Variants in NCKAP1 observed in about 807,000 individuals in gnomAD.
NCKAP1 encodes the protein nck-associated protein 1.
NCKAP1 carries 21 observed loss-of-function variants against 151.2 expected under a neutral mutation model. The observed-to-expected ratio is 0.14, with a 90% CI of 0.10 to 0.20. The LOEUF is 0.20. Ranked by LOEUF, NCKAP1 falls within the 10% of genes least tolerant of loss-of-function variation. The pLI is 1.00. For synonymous variants in NCKAP1, 484 were observed against 451.8 expected (o/e 1.07, Z -0.90); for missense variants, 933 against 1,352.1 (o/e 0.69, Z 4.86).
At chr2:182,975,042 T>A (rs978025812) in intron 15 of NCKAP1, among the ~76,000 whole-genome samples, 7 of 152,192 alleles carry the variant, frequency 4.6e-5, no homozygotes, top group African/African-American at 1.7e-4. Context: ...AGCCCAAGTA[T>A]TGGTTTAGGC....
intron 16 of NCKAP1, among the ~76,000 whole-genome samples, chr2:182,965,162 A>T (rs1697540134): frequency 2.0e-5 from 3 of 152,030 alleles, no homozygotes. Context: ...AGGCCAAGGC[A>T]GGTGGATCAC....
intron 2 of NCKAP1, among the ~76,000 whole-genome samples, chr2:183,009,328 T>C (rs1385936600): frequency 1.4e-5 from 2 of 147,174 alleles, no homozygotes; most frequent in Non-Finnish European, 3.0e-5. Context: ...TGAGCCAAGA[T>C]TGTGCCATTG....
rs1326502902 is a variant in NCKAP1, at chr2:183,038,428, G to GCGGCGGCGGCGGCGTCTC, written c.-347_-330dup. 1 of 192,218 alleles carries GCGGCGGCGGCGGCGTCTC rather than the reference G, an allele frequency of 5.2e-6. No individual in the cohort carries two copies. Among genetic ancestry groups the GCGGCGGCGGCGGCGTCTC allele is most frequent in the Non-Finnish European group, 1.0e-5 (1 of 98,528 alleles). The allele number at this position is 192,218 out of a possible 1,614,324, so 11.9% of individuals were successfully genotyped here. ...TGCTCCACTAGGTGTGGCGGCGGCG[G>GCGGCGGCGGCGGCGTCTC]CGGCGGCGGCGGCGTCTCCGGCGGC... On this transcript the variant is annotated 5_prime_UTR_variant, in exon 1 of 31. Transcript: ENST00000361354.
intron 2 of NCKAP1, among the ~76,000 whole-genome samples, chr2:183,019,872 T>C (rs1471889115): frequency 1.3e-5 from 2 of 152,112 alleles, no homozygotes; most frequent in Non-Finnish European, 2.9e-5. Context: ...ATATAAAACT[T>C]GTTACAACTG....
chr2:182,971,094 A>T (rs1697677354), intron 15 of NCKAP1, among the ~76,000 whole-genome samples: 1 of 152,156 alleles, frequency 6.6e-6, no homozygotes, highest in African/African-American at 2.4e-5. Context: ...AAGAAGACAC[A>T]AAGAGATAAA....
chr2:182,947,668 T>C (rs1198166126), intron 23 of NCKAP1, among the ~76,000 whole-genome samples: 3 of 152,188 alleles, frequency 2.0e-5, no homozygotes, highest in African/African-American at 7.2e-5. Context: ...TACCTACCAA[T>C]ACTGGAAGCA....
In NCKAP1 at chr2:182,923,287, T is replaced by C. The variant is rs1259355413; in HGVS notation, c.*2415A>G. The C allele has an allele frequency of 6.6e-6, 1 of 152,190 alleles. No individual in the cohort carries two copies. The highest frequency in any genetic ancestry group is 1.5e-5 in the Non-Finnish European group (1 of 68,042). The allele number at this position is 152,190 out of a possible 1,614,324, so 9.4% of individuals were successfully genotyped here. On this transcript the variant is annotated 3_prime_UTR_variant, in exon 31 of 31. Transcript: ENST00000361354. ...CTATCCAAATGAGTATTTTCTTTTT[T>C]TTTTTGAGACAGTCTCATTCTGTCA...
At chr2:183,011,186 C>A (rs1053741888) in intron 2 of NCKAP1, among the ~76,000 whole-genome samples, 1 of 152,146 alleles carries the variant, frequency 6.6e-6, no homozygotes, top group African/African-American at 2.4e-5. Context: ...TTTTGCCTAA[C>A]CGGACTCAAC....
intron 24 of NCKAP1, among the ~76,000 whole-genome samples, chr2:182,940,664 T>C (rs1471946366): frequency 6.6e-6 from 1 of 152,216 alleles, no homozygotes; most frequent in Admixed American, 6.5e-5. Context: ...GGTCTGGAAT[T>C]CCTGATCTCA....
intron 23 of NCKAP1, among the ~76,000 whole-genome samples, chr2:182,949,774 G>A (rs1057086648): frequency 2.0e-4 from 31 of 152,208 alleles, no homozygotes; most frequent in African/African-American, 7.0e-4. Flanking sequence ...CAGCCTGGGT[G>A]ACACAGCAAG....
chr2:182,989,193 A>G lies in NCKAP1; in HGVS notation c.791-7T>C. On this transcript the variant is annotated splice_polypyrimidine_tract_variant and splice_region_variant and intron_variant, in intron 8 of 30. Transcript: ENST00000361354. ...TGGCACAAAATAAAGCCAACTTTAA[A>G]TAAAAAGAAAGCAAATACAAATGTA... The G allele has an allele frequency of 6.3e-7, 1 of 1,577,848 alleles. No homozygotes were observed. The highest frequency in any genetic ancestry group is 8.6e-7 in the Non-Finnish European group (1 of 1,166,748).
intron 1 of NCKAP1, among the ~76,000 whole-genome samples, chr2:183,026,735 G>T (rs184113004): frequency 8.7e-4 from 133 of 152,202 alleles, no homozygotes; most frequent in African/African-American, 3.2e-3. Flanking sequence ...TTCTTCGTCT[G>T]TAAAATGGGG....
intron 1 of NCKAP1, among the ~76,000 whole-genome samples, chr2:183,027,446 T>C (rs546782778): frequency 1.3e-5 from 2 of 152,140 alleles, no homozygotes; most frequent in South Asian, 4.1e-4. Context: ...GAGACACTTG[T>C]ATGGGGAATA....
At chr2:182,988,962 A>C in intron 9 of NCKAP1, 68 bp downstream of exon 9, 1 of 1,412,400 alleles carries the variant, frequency 7.1e-7, no homozygotes, top group Non-Finnish European at 9.8e-7. Flanking sequence ...TTATCCCCAA[A>C]ACTTCAGTAA....
chr2:183,031,037 T>C (rs1698995284), intron 1 of NCKAP1, among the ~76,000 whole-genome samples: 2 of 152,224 alleles, frequency 1.3e-5, no homozygotes, highest in South Asian at 4.1e-4. Context: ...GATAACAAAG[T>C]ATACTGAAAT....
At chr2:182,990,771 A>T (rs1698151182) in intron 8 of NCKAP1, among the ~76,000 whole-genome samples, 1 of 152,174 alleles carries the variant, frequency 6.6e-6, no homozygotes, top group Non-Finnish European at 1.5e-5. Flanking sequence ...TTAACATAAA[A>T]CTTGCCATTT....
At chr2:182,939,503 G>A (rs977510803) in intron 24 of NCKAP1, among the ~76,000 whole-genome samples, 1 of 151,592 alleles carries the variant, frequency 6.6e-6, no homozygotes, top group African/African-American at 2.4e-5. Context: ...ACTTCAGCCT[G>A]GGCACCAGAG....
rs1205519494 is a variant in NCKAP1, at chr2:182,918,992, T to A, written c.*6710A>T. 1 of 152,216 alleles carries A rather than the reference T, an allele frequency of 6.6e-6. No homozygotes were observed. The highest frequency in any genetic ancestry group is 1.9e-4 in the East Asian group (1 of 5,204). The allele number at this position is 152,216 out of a possible 1,614,324, so 9.4% of individuals were successfully genotyped here. On this transcript the variant is annotated 3_prime_UTR_variant, in exon 31 of 31. Coordinates refer to ENST00000361354, the MANE Select transcript of NCKAP1 (RefSeq NM_013436.5). ...CCTTGTAGTGTGAGTTTGTAAAAAT[T>A]GCTTTGTCTTTCCTGAGCTTCAGTT...
rs1696351111 is a variant in NCKAP1, at chr2:182,909,198, A to C, written c.*16504T>G. The C allele has an allele frequency of 6.6e-6, 1 of 152,220 alleles. No homozygotes were observed. The highest frequency in any genetic ancestry group is 2.1e-4 in the South Asian group (1 of 4,826). 9.4% of individuals were successfully genotyped at this position (152,220 alleles called of 1,614,324 possible). On this transcript the variant is annotated 3_prime_UTR_variant, in exon 31 of 31. Transcript: ENST00000361354. ...TTTGATCTGGAAATAGGTTCAATACACATTATATCAAATTTACCGTTTCAA... is the reference window on the plus strand; with the variant it reads ...TTTGATCTGGAAATAGGTTCAATACCCATTATATCAAATTTACCGTTTCAA...
Sources: gnomAD v4.1 joint callset for allele counts (sites outside exome capture counted in the v4.1 genomes callset) on GRCh38, gnomAD v4.1.1 for gene constraint, MANE v1.5 for transcripts, NCBI Gene and HGNC (gene_info 2026-07-23, HGNC 2026-07-21) for gene names.